TBC1D17: variants seen among roughly 807,000 people sequenced by gnomAD.
The protein encoded by TBC1D17 is TBC1 domain family member 17.
TBC1D17 carries 69 observed loss-of-function variants against 78.8 expected under a neutral mutation model. That is an observed-to-expected ratio of 0.88 (90% CI 0.72 to 1.07). The LOEUF (loss-of-function observed/expected upper bound fraction) is 1.07. Ranked by LOEUF, TBC1D17 falls within the 50% of genes least tolerant of loss-of-function variation. The probability of loss-of-function intolerance (pLI) is 0.00; values close to 1 mark genes in which losing one functional copy is unlikely to be tolerated. For synonymous variants in TBC1D17, 456 were observed against 358.3 expected (o/e 1.27, Z -3.08); for missense variants, 957 against 861.0 (o/e 1.11, Z -1.39).
rs548569579 is a variant in TBC1D17, at chr19:49,878,447, G to C, written c.121-51G>C. 27 of 1,539,800 alleles carry C rather than the reference G, an allele frequency of 1.8e-5. No individual in the cohort carries two copies. In the East Asian group the frequency reaches 4.3e-4, roughly 25 times the overall value. On this transcript the variant is annotated intron_variant, in intron 2 of 16. Coordinates refer to ENST00000221543, the MANE Select transcript of TBC1D17 (RefSeq NM_024682.3). Reference sequence around the variant, plus strand: ...TTGGAAATTTGCAACGGAAAGTTTTGGGAATGTGGTTTGGGGAGCGCCTCT... The same window carrying C: ...TTGGAAATTTGCAACGGAAAGTTTTCGGAATGTGGTTTGGGGAGCGCCTCT...
Position 49,882,983 on chromosome 19 carries a change from C to A in TBC1D17, c.938C>A (p.Pro313His). 1 of 1,609,814 alleles carries A rather than the reference C, an allele frequency of 6.2e-7. No homozygotes were observed. The highest frequency in any genetic ancestry group is 8.5e-7 in the Non-Finnish European group (1 of 1,178,016). Residue 313 changes from proline to histidine, a missense_variant, in exon 9 of 17, where the codon CCC (proline) becomes CAC (histidine). Pro to His is a moderately conservative substitution (Grantham distance 77). Coordinates refer to ENST00000221543, the MANE Select transcript of TBC1D17 (RefSeq NM_024682.3). ...CTCCTGCACCCCCAGGGTCTGAGCC[C>A]CAGCCTGCGGCGCGAGGCCTGGAAG... ...KNRIFSGGLSPSLRREAWKFL... is the reference protein window; with the variant it reads ...KNRIFSGGLSHSLRREAWKFL...
Position 49,881,402 on chromosome 19 carries a change from C to A in TBC1D17, c.454C>A (p.Pro152Thr). ...GGTGACCCAGGCTGGAGGTTCCCTG[C>A]CCGCACTGCACTTCCACCGCGGGGG... ...VLVTQAGGSL[P>T]ALHFHRGGTR... Residue 152 changes from proline to threonine, a missense_variant, in exon 5 of 17, where the codon CCC becomes ACC. Transcript: ENST00000221543. The A allele has an allele frequency of 6.2e-7, 1 of 1,613,106 alleles. No homozygotes were observed. Among genetic ancestry groups the A allele is most frequent in the South Asian group, 1.1e-5 (1 of 91,080 alleles).
rs1023601662 is a variant in TBC1D17, at chr19:49,884,718, G to C, written c.1404G>C (p.Leu468=). The C allele has an allele frequency of 1.2e-6, 2 of 1,613,968 alleles. No homozygotes were observed. Among genetic ancestry groups the C allele is most frequent in the African/African-American group, 2.7e-5 (2 of 74,920 alleles). ...TMKRQLGRLL[L]LLRVLDPLLC... is the part of the protein sequence containing the mutation. Reference sequence around the variant, plus strand: ...AGCGGCAACTCGGGCGACTGCTGCTGCTCCTGAGGGTGCTGGACCCCCTGC... The same window carrying C: ...AGCGGCAACTCGGGCGACTGCTGCTCCTCCTGAGGGTGCTGGACCCCCTGC... Residue 468 remains leucine, a synonymous_variant, in exon 13 of 17, where the codon CTG becomes CTC. Coordinates refer to ENST00000221543, the MANE Select transcript of TBC1D17 (RefSeq NM_024682.3).
intron 15 of TBC1D17, 188 bp downstream of exon 15, chr19:49,888,022 C>T (rs1282390646): frequency 4.1e-6 from 4 of 975,402 alleles, no homozygotes; most frequent in Non-Finnish European, 4.5e-6. Context: ...GCAAGGTCCT[C>T]CGGGCAGGTG....
chr19:49,878,345 G>C (rs1198544787), intron 2 of TBC1D17, 104 bp downstream of exon 2: 7 of 1,262,932 alleles, frequency 5.5e-6, no homozygotes, highest in Non-Finnish European at 7.9e-6. Context: ...TCAGCAGTGG[G>C]ACCTGAAGAA....
At chr19:49,878,280 C>T in intron 2 of TBC1D17, 39 bp downstream of exon 2, 2 of 1,536,084 alleles carry the variant, frequency 1.3e-6, no homozygotes, top group Non-Finnish European at 1.8e-6. Flanking sequence ...CCGCTCCGAG[C>T]GGGATGCAGG....
chr19:49,884,242 G>A lies in TBC1D17; in HGVS notation c.1127-11G>A, dbSNP rs200371354. On this transcript the variant is annotated splice_polypyrimidine_tract_variant and intron_variant, in intron 10 of 16. Coordinates refer to ENST00000221543, the MANE Select transcript of TBC1D17 (RefSeq NM_024682.3). ...TTTCTCACCTTTGCACCCTGTGCCC[G>A]GTCCCCGCAGAAAGGGATGTGAGCC... is the stretch of plus-strand genomic sequence containing the variant. The A allele has an allele frequency of 9.9e-6, 16 of 1,612,694 alleles. No homozygotes were observed. The highest frequency in any genetic ancestry group is 5.3e-5 in the African/African-American group (4 of 75,034).
At chr19:49,881,209 T>C (rs2122436661) in intron 4 of TBC1D17, 59 bp from the exon 5 acceptor site, 1 of 1,501,312 alleles carries the variant, frequency 6.7e-7, no homozygotes, top group South Asian at 1.2e-5. Flanking sequence ...TGGGTTGTGG[T>C]TGATAAGGCT....
chr19:49,884,119 C>G (rs2075038600), intron 10 of TBC1D17, 134 bp from the exon 11 acceptor site: 1 of 791,402 alleles, frequency 1.3e-6, no homozygotes, highest in Admixed American at 2.2e-5. Flanking sequence ...AGAACCAGCT[C>G]TGCTTCTCCC....
Position 49,888,310 on chromosome 19 carries a change from C to T in TBC1D17, c.1739C>T (p.Ala580Val). 2 of 1,581,360 alleles carry T rather than the reference C, an allele frequency of 1.3e-6. No individual in the cohort carries two copies. Among genetic ancestry groups the T allele is most frequent in the Non-Finnish European group, 1.7e-6 (2 of 1,164,620 alleles). Residue 580 changes from alanine to valine, a missense_variant, in exon 16 of 17, where the codon GCC becomes GTC. Coordinates refer to ENST00000221543, the MANE Select transcript of TBC1D17 (RefSeq NM_024682.3). Reference sequence around the variant, plus strand: ...GAGGCCCTGCACCGCCAGCTAACCGCCTGCCCCGTGAGTCCCCGTCCGCCC... The same window carrying T: ...GAGGCCCTGCACCGCCAGCTAACCGTCTGCCCCGTGAGTCCCCGTCCGCCC... ...RAEALHRQLT[A>V]CPELPHNVQE...
In TBC1D17 at chr19:49,882,830, C is replaced by T; in HGVS notation, c.865C>T (p.His289Tyr). The T allele has an allele frequency of 6.2e-7, 1 of 1,611,004 alleles. No individual in the cohort carries two copies. Among genetic ancestry groups the T allele is most frequent in the Non-Finnish European group, 8.5e-7 (1 of 1,179,096 alleles). Residue 289 changes from histidine (H) to tyrosine (Y), a missense_variant, in exon 8 of 17, where the codon CAC becomes TAC. By Grantham distance (83) the His-to-Tyr change is moderately conservative. Transcript: ENST00000221543. ...AGTTACAGAGGAGGAGTGGGCACGC[C>T]ACGTGGGCCCTGAAGGTCGCCTGCA... ...PPVTEEEWAR[H>Y]VGPEGRLQQV...
Position 49,884,384 on chromosome 19 carries a change from TG to T in TBC1D17, c.1243+19del, listed in dbSNP as rs1190069668. 2 of 1,613,036 alleles carry T rather than the reference TG, an allele frequency of 1.2e-6. No homozygotes were observed. Among genetic ancestry groups the T allele is most frequent in the South Asian group, 1.1e-5 (1 of 91,032 alleles). On this transcript the variant is annotated intron_variant, in intron 11 of 16. Transcript: ENST00000221543. ...CTTCGACCTCGGTGGGTGCCAGGCC[TG>T]GGGACGGGCGTGGCCGGGGCTGTCC...
rs1457906603 is a variant in TBC1D17, at chr19:49,878,480, C to T, written c.121-18C>T. 1.9e-6 allele frequency: 3 copies of T among 1,611,530 alleles called. No individual in the cohort carries two copies. Among genetic ancestry groups the T allele is most frequent in the East Asian group, 4.5e-5 (2 of 44,852 alleles). On this transcript the variant is annotated intron_variant, in intron 2 of 16. Transcript: ENST00000221543. ...GGTTTGGGGAGCGCCTCTAACCCCG[C>T]CTCCCTCCTTACCCTAGGACAATGA...
rs372112489 is a variant in TBC1D17 at position 49,882,849 on chromosome 19, G to A, written c.884G>A (p.Arg295His). 1.6e-5 allele frequency: 26 copies of A among 1,611,246 alleles called. No individual in the cohort carries two copies. Among genetic ancestry groups the A allele is most frequent in the East Asian group, 1.3e-4 (6 of 44,846 alleles). ...GCACGCCACGTGGGCCCTGAAGGTC[G>A]CCTGCAGCAGGTCCCTGAGCTGAAG... is the stretch of plus-strand genomic sequence containing the variant. ...EWARHVGPEG[R>H]LQQVPELKNR... Residue 295 changes from arginine (R) to histidine (H), a missense_variant, in exon 8 of 17, where the codon CGC becomes CAC. Coordinates refer to ENST00000221543, the MANE Select transcript of TBC1D17 (RefSeq NM_024682.3).
At chr19:49,883,988 G>A (rs1342226777) in intron 10 of TBC1D17, among the ~76,000 whole-genome samples, 1 of 152,200 alleles carries the variant, frequency 6.6e-6, no homozygotes, top group Non-Finnish European at 1.5e-5. Flanking sequence ...GTCAATGCCT[G>A]GTGATCTTGG....
chr19:49,888,412 C>T lies in TBC1D17; in HGVS notation c.1747-12C>T, dbSNP rs2075084294. The stretch of plus-strand genomic sequence containing the variant: ...CCTTCCGCTTTTCGCTTCTCTCATC[C>T]CGTGCCTCCAGGAGCTGCCCCACAA... On this transcript the variant is annotated splice_polypyrimidine_tract_variant and intron_variant, in intron 16 of 16. Coordinates refer to ENST00000221543, the MANE Select transcript of TBC1D17 (RefSeq NM_024682.3). 1 of 1,594,774 alleles carries T rather than the reference C, an allele frequency of 6.3e-7. No individual in the cohort carries two copies. Among genetic ancestry groups the T allele is most frequent in the Admixed American group, 1.7e-5 (1 of 59,008 alleles).
chr19:49,880,450 A>G (rs1279185251), intron 4 of TBC1D17, 48 bp downstream of exon 4: 5 of 1,602,144 alleles, frequency 3.1e-6, no homozygotes, highest in South Asian at 1.1e-5. Context: ...GCCAGGTAGG[A>G]CACATCTTGC....
Position 49,884,489 on chromosome 19 carries a change from C to T in TBC1D17, c.1274C>T (p.Ser425Phe). The T allele has an allele frequency of 1.2e-6, 2 of 1,614,164 alleles. No individual in the cohort carries two copies. Among genetic ancestry groups the T allele is most frequent in the Non-Finnish European group, 1.7e-6 (2 of 1,180,028 alleles). ...GTCCAGGGCATGAGTGATCTTCTCT[C>T]CCCGATCCTCTACGTCATTCAGAAC... The part of the protein sequence containing the change: ...GYVQGMSDLL[S>F]PILYVIQNEV... Residue 425 changes from serine (S) to phenylalanine (F), a missense_variant, in exon 12 of 17, where the codon TCC becomes TTC. Physicochemically the swap from Ser to Phe is radical, Grantham distance 155. Coordinates refer to ENST00000221543, the MANE Select transcript of TBC1D17 (RefSeq NM_024682.3).
chr19:49,884,538 C>T lies in TBC1D17; in HGVS notation c.1323C>T (p.Phe441=), dbSNP rs1376355490. ...ACGAGGTGGATGCTTTCTGGTGTTTCTGTGGCTTCATGGAGCTCGTGGTGA... is the reference window on the plus strand; with the variant it reads ...ACGAGGTGGATGCTTTCTGGTGTTTTTGTGGCTTCATGGAGCTCGTGGTGA... The part of the protein sequence containing the change: ...IQNEVDAFWC[F]CGFMELVQGN... Residue 441 remains phenylalanine, a synonymous_variant, in exon 12 of 17, where the codon TTC becomes TTT. Transcript: ENST00000221543. The T allele has an allele frequency of 6.2e-7, 1 of 1,614,064 alleles. No homozygotes were observed. Among genetic ancestry groups the T allele is most frequent in the African/African-American group, 1.3e-5 (1 of 74,928 alleles).
Sources: allele counts gnomAD v4.1 joint callset (sites outside exome capture counted in the v4.1 genomes callset), GRCh38; gene constraint gnomAD v4.1.1; transcripts MANE v1.5; gene names NCBI Gene and HGNC (gene_info 2026-07-23, HGNC 2026-07-21).